KSR1: variants seen among roughly 807,000 people sequenced by gnomAD.
KSR1 encodes the protein kinase suppressor of ras.
A neutral mutation model predicts 92.9 loss-of-function variants in KSR1; 35 were observed. That is an observed-to-expected ratio of 0.38 (90% CI 0.29 to 0.50). The LOEUF is 0.50. Ranked by LOEUF, KSR1 falls within the 20% of genes least tolerant of loss-of-function variation. The probability of loss-of-function intolerance (pLI) is 0.94; values close to 1 mark genes in which losing one functional copy is unlikely to be tolerated. For missense variants in KSR1, 972 were observed against 1,158.5 expected (o/e 0.84, Z 2.34); for synonymous variants, 467 against 472.6 (o/e 0.99, Z 0.15).
intron 14 of KSR1, among the ~76,000 whole-genome samples, chr17:27,606,323 C>T (rs1285355573): frequency 6.6e-6 from 1 of 152,204 alleles, no homozygotes; most frequent in Non-Finnish European, 1.5e-5. Flanking sequence ...GAGTGAAAGC[C>T]AGTCTTCTCC....
chr17:27,485,344 A>G (rs1229580675), intron 1 of KSR1, among the ~76,000 whole-genome samples: 1 of 152,118 alleles, frequency 6.6e-6, no homozygotes, highest in Non-Finnish European at 1.5e-5. Flanking sequence ...ACTGCTGGGG[A>G]GACACTCCCT....
At chr17:27,508,865 G>C (rs1451936366) in intron 1 of KSR1, among the ~76,000 whole-genome samples, 1 of 152,140 alleles carries the variant, frequency 6.6e-6, no homozygotes, top group African/African-American at 2.4e-5. Flanking sequence ...AAGTAGCTGG[G>C]ATTACAGATG....
chr17:27,591,643 G>A (rs572501202), intron 7 of KSR1, among the ~76,000 whole-genome samples: 12 of 152,316 alleles, frequency 7.9e-5, no homozygotes, highest in Admixed American at 7.2e-4. Flanking sequence ...CTTTCCCAGC[G>A]ACTCTCCTGA....
chr17:27,475,076 G>T (rs1485560033), intron 1 of KSR1, among the ~76,000 whole-genome samples: 2 of 152,180 alleles, frequency 1.3e-5, no homozygotes, highest in Admixed American at 1.3e-4. Context: ...ACCTCAAAAG[G>T]GTAGAGAAGG....
At chr17:27,589,628 A>G (rs1430175867) in intron 6 of KSR1, among the ~76,000 whole-genome samples, 1 of 152,156 alleles carries the variant, frequency 6.6e-6, no homozygotes, top group African/African-American at 2.4e-5. Context: ...TTACTGTGAT[A>G]TACGTTAAAA....
intron 1 of KSR1, among the ~76,000 whole-genome samples, chr17:27,472,546 T>A (rs2020070008): frequency 6.6e-6 from 1 of 152,204 alleles, no homozygotes; most frequent in Admixed American, 6.5e-5. Context: ...CCGTGGCTCA[T>A]GCCTGTAATC....
chr17:27,582,767 G>C lies in KSR1; in HGVS notation c.642G>C (p.Gln214His). ...TGCCCTGGCCCCCAGGGAGCTCCCA[G>C]CTGGGCAGAGCAGGCAACAGCGCCC... ...ASLPWPPGSSQLGRAGNSAQG... is the reference protein window; with the variant it reads ...ASLPWPPGSSHLGRAGNSAQG... The change falls in exon 4 of 21, where the codon CAG becomes CAC. Residue 214 changes from glutamine (Q) to histidine (H), a missense_variant. By Grantham distance (24) the Gln-to-His change is conservative (BLOSUM62 0). This residue lies in a region of KSR1 where 611 missense variants were observed against 668.0 expected (regional missense o/e 0.91). Coordinates refer to ENST00000644974, the MANE Select transcript of KSR1 (RefSeq NM_001394583.1). The C allele has an allele frequency of 6.2e-7, 1 of 1,613,760 alleles. No homozygotes were observed. Among genetic ancestry groups the C allele is most frequent in the Non-Finnish European group, 8.5e-7 (1 of 1,179,806 alleles).
At chr17:27,603,728 T>G in intron 11 of KSR1, 106 bp from the exon 12 acceptor site, 1 of 1,129,486 alleles carries the variant, frequency 8.9e-7, no homozygotes, top group Non-Finnish European at 1.3e-6. Flanking sequence ...GGCAGTCCAC[T>G]CAGGGGAAAA....
intron 1 of KSR1, among the ~76,000 whole-genome samples, chr17:27,523,248 A>G (rs957032413): frequency 6.6e-6 from 1 of 152,258 alleles, no homozygotes; most frequent in African/African-American, 2.4e-5. Context: ...AAATATATCA[A>G]TAAATGACGG....
chr17:27,548,414 A>AT (rs924796378), intron 1 of KSR1, among the ~76,000 whole-genome samples: 7 of 152,168 alleles, frequency 4.6e-5, no homozygotes, highest in East Asian at 1.9e-4. Context: ...TTAATTCATC[A>AT]TTTTTTTCTT....
At chr17:27,604,958 A>G (rs919283913) in intron 13 of KSR1, among the ~76,000 whole-genome samples, 1 of 152,258 alleles carries the variant, frequency 6.6e-6, no homozygotes, top group Admixed American at 6.5e-5. Context: ...GCCAGGGTCA[A>G]GAACCACTGC....
chr17:27,606,884 T>C (rs548084703), intron 14 of KSR1, among the ~76,000 whole-genome samples: 1 of 151,964 alleles, frequency 6.6e-6, no homozygotes, highest in African/African-American at 2.4e-5. Flanking sequence ...CAGGCTGGAG[T>C]GCAGTGGCGT....
chr17:27,622,109 C>T (rs1019684626), intron 20 of KSR1: 4 of 647,120 alleles, frequency 6.2e-6, no homozygotes, highest in African/African-American at 3.6e-5. Context: ...AAAAACTGGC[C>T]CTCTGCCCTC....
At chr17:27,558,285 T>C (rs2071686413) in intron 2 of KSR1, 1 of 145,750 alleles carries the variant, frequency 6.9e-6, no homozygotes, top group African/African-American at 2.5e-5. Context: ...TTTTTTTTTG[T>C]TTGCTGAAAT....
intron 1 of KSR1, among the ~76,000 whole-genome samples, chr17:27,488,614 T>C (rs1310774063): frequency 6.6e-6 from 1 of 152,152 alleles, no homozygotes; most frequent in African/African-American, 2.4e-5. Flanking sequence ...GGAGGATTGC[T>C]TGAGTCTAGG....
intron 1 of KSR1, among the ~76,000 whole-genome samples, chr17:27,541,937 C>A: frequency 6.6e-6 from 1 of 152,210 alleles, no homozygotes; most frequent in Non-Finnish European, 1.5e-5. Flanking sequence ...AGTGTGCTGT[C>A]CAGCACCCAC....
At chr17:27,464,278 T>C (rs2019576126) in intron 1 of KSR1, among the ~76,000 whole-genome samples, 1 of 152,158 alleles carries the variant, frequency 6.6e-6, no homozygotes. Context: ...GGGTGGACCT[T>C]TTTTGAAGGT....
intron 2 of KSR1, chr17:27,566,294 G>A (rs908732887): frequency 2.5e-6 from 1 of 393,230 alleles, no homozygotes; most frequent in African/African-American, 2.1e-5. Flanking sequence ...GCCCCGGGAA[G>A]TATGTGCTGA....
At chr17:27,519,985 C>T (rs1013246342) in intron 1 of KSR1, among the ~76,000 whole-genome samples, 1 of 152,152 alleles carries the variant, frequency 6.6e-6, no homozygotes. Context: ...GTACTCAGTG[C>T]AGCAGAGTCT....
Sources: allele counts gnomAD v4.1 joint callset (sites outside exome capture counted in the v4.1 genomes callset), GRCh38; gene constraint gnomAD v4.1.1; regional missense constraint gnomAD v4.1.1; transcripts MANE v1.5; gene names NCBI Gene and HGNC (gene_info 2026-07-23, HGNC 2026-07-21).